Variants in CSMD1 observed in about 807,000 individuals in gnomAD.
The protein encoded by CSMD1 is CUB and sushi domain-containing protein 1.
Under a neutral mutation model 417.5 loss-of-function variants are expected in CSMD1, and 213 were observed. That is an observed-to-expected ratio of 0.51 (90% CI 0.46 to 0.57). The LOEUF is 0.57. Among genes scored for constraint, CSMD1 ranks in the 20% least tolerant of loss-of-function variants. The pLI is 0.00. For missense variants in CSMD1, 6,923 were observed against 4,529.7 expected (o/e 1.53, Z -15.17); for synonymous variants, 2,862 against 1,736.8 (o/e 1.65, Z -16.11).
At chr8:4,936,724 A>T (rs1451568714) in intron 1 of CSMD1, among the ~76,000 whole-genome samples, 3 of 152,234 alleles carry the variant, frequency 2.0e-5, no homozygotes, top group African/African-American at 7.2e-5. Context: ...ATCAATGTTA[A>T]TAGGCAGGAC....
At chr8:4,852,285 G>C (rs751231464) in intron 1 of CSMD1, among the ~76,000 whole-genome samples, 16 of 152,128 alleles carry the variant, frequency 1.1e-4, no homozygotes, top group Admixed American at 3.3e-4. Flanking sequence ...GAGGTGCTGG[G>C]GTTGTGGGAG....
intron 11 of CSMD1, among the ~76,000 whole-genome samples, chr8:3,487,486 C>G (rs1400677360): frequency 6.6e-6 from 1 of 152,206 alleles, no homozygotes; most frequent in Non-Finnish European, 1.5e-5. Flanking sequence ...CAGGCATGAG[C>G]CACCATGCCC....
intron 20 of CSMD1, among the ~76,000 whole-genome samples, chr8:3,365,231 G>T (rs543187431): frequency 6.6e-6 from 1 of 152,292 alleles, no homozygotes; most frequent in Non-Finnish European, 1.5e-5. Flanking sequence ...AAATTTCCAA[G>T]AAATCAAGTG....
intron 1 of CSMD1, among the ~76,000 whole-genome samples, chr8:4,765,272 G>C (rs17080170): frequency 0.092 from 14,026 of 152,186 alleles, 810 homozygotes; most frequent in Non-Finnish European, 0.12. Context: ...GCCACACAAA[G>C]AGTTTAGCTA....
intron 50 of CSMD1, among the ~76,000 whole-genome samples, chr8:3,046,357 T>A (rs116355647): frequency 6.6e-6 from 1 of 152,080 alleles, no homozygotes; most frequent in Admixed American, 6.5e-5. Flanking sequence ...GAGATACCTG[T>A]ACGCCTCCTC....
intron 5 of CSMD1, among the ~76,000 whole-genome samples, chr8:3,969,250 G>A (rs796285685): frequency 1.2e-4 from 19 of 152,176 alleles, no homozygotes; most frequent in African/African-American, 3.1e-4. Flanking sequence ...ACTCTGTCTC[G>A]ATAAATAAAG....
chr8:4,017,063 G>C (rs1055178356), intron 4 of CSMD1, among the ~76,000 whole-genome samples: 4 of 152,172 alleles, frequency 2.6e-5, no homozygotes, highest in African/African-American at 9.7e-5. Flanking sequence ...TATTCATCCG[G>C]AGGCAAGACT....
chr8:3,235,916 G>GTTTTTTGTTTT (rs1799123814), intron 26 of CSMD1, among the ~76,000 whole-genome samples: 7 of 119,344 alleles, frequency 5.9e-5, no homozygotes, highest in African/African-American at 1.9e-4. Context: ...GAAGATGTAA[G>GTTTTTTGTTTT]TTTTTTTTTT....
At chr8:4,295,122 A>T (rs1228040119) in intron 3 of CSMD1, among the ~76,000 whole-genome samples, 1 of 144,572 alleles carries the variant, frequency 6.9e-6, no homozygotes, top group African/African-American at 2.5e-5. Flanking sequence ...TTACACACAT[A>T]TAATCTTAAG....
intron 5 of CSMD1, among the ~76,000 whole-genome samples, chr8:3,864,884 T>A (rs976276664): frequency 1.3e-5 from 2 of 152,220 alleles, no homozygotes; most frequent in African/African-American, 4.8e-5. Context: ...ATTAATTTCT[T>A]TGTATACTTA....
intron 1 of CSMD1, chr8:4,788,716 C>T (rs940831361): frequency 6.0e-6 from 3 of 496,580 alleles, no homozygotes; most frequent in Non-Finnish European, 1.1e-5. Context: ...TGAATCAATG[C>T]TTCTCTAGAT....
intron 3 of CSMD1, among the ~76,000 whole-genome samples, chr8:4,080,331 T>A (rs534584506): frequency 3.9e-5 from 6 of 152,314 alleles, no homozygotes; most frequent in African/African-American, 7.2e-5. Flanking sequence ...TACCCGTGAG[T>A]ACTTCACAAG....
intron 3 of CSMD1, among the ~76,000 whole-genome samples, chr8:4,033,129 T>TGA (rs1797436726): frequency 8.4e-5 from 3 of 35,906 alleles, no homozygotes; most frequent in South Asian, 7.0e-4. Context: ...ATTTCCAATA[T>TGA]GAAAAAAAAA....
chr8:4,674,308 T>G (rs7831338), intron 1 of CSMD1, among the ~76,000 whole-genome samples: 1 of 151,890 alleles, frequency 6.6e-6, no homozygotes, highest in East Asian at 1.9e-4. Context: ...TGGACCTGGA[T>G]TGAGGCTGAA....
intron 1 of CSMD1, among the ~76,000 whole-genome samples, chr8:4,794,458 G>T (rs1055288261): frequency 9.2e-5 from 14 of 152,012 alleles, no homozygotes; most frequent in African/African-American, 3.4e-4. Flanking sequence ...GTTCCTCATT[G>T]CTCTTAAAAT....
chr8:2,992,218 CACATGCACACAT>C (rs1452656252), intron 54 of CSMD1, among the ~76,000 whole-genome samples: 2 of 146,036 alleles, frequency 1.4e-5, no homozygotes, highest in South Asian at 2.1e-4. Flanking sequence ...CATGCACACA[CACATGCACACAT>C]GCCACACTCA....
In CSMD1 at chr8:3,199,698, G is replaced by C. The variant is rs966051044; in HGVS notation, c.5194+16C>G. The C allele has an allele frequency of 6.4e-7, 1 of 1,550,450 alleles. No homozygotes were observed. Among genetic ancestry groups the C allele is most frequent in the Non-Finnish European group, 8.8e-7 (1 of 1,139,218 alleles). ...AGACCACAGTGACATGTGGAGACAT[G>C]TGGAGTGACGCTTACCTTGATACAC... On this transcript the variant is annotated intron_variant, in intron 33 of 69. Transcript: ENST00000635120.
intron 3 of CSMD1, among the ~76,000 whole-genome samples, chr8:4,109,588 G>A (rs528672525): frequency 6.6e-6 from 1 of 152,146 alleles, no homozygotes; most frequent in African/African-American, 2.4e-5. Context: ...AACTACGCAG[G>A]AGCATTTGCC....
chr8:4,851,614 G>A (rs900637280), intron 1 of CSMD1, among the ~76,000 whole-genome samples: 2 of 152,016 alleles, frequency 1.3e-5, no homozygotes, highest in Admixed American at 6.6e-5. Flanking sequence ...CTCCATGTGG[G>A]AGTTTCATAA....
Sources: allele counts gnomAD v4.1 joint callset (sites outside exome capture counted in the v4.1 genomes callset), GRCh38; gene constraint gnomAD v4.1.1; transcripts MANE v1.5; gene names NCBI Gene and HGNC (gene_info 2026-07-23, HGNC 2026-07-21).